The following TNRC6B variants were observed in gnomAD, a reference collection of about 807,000 sequenced individuals.
TNRC6B encodes trinucleotide repeat containing adaptor 6B.
Under a neutral mutation model 203.6 loss-of-function variants are expected in TNRC6B, and 52 were observed. That is an observed-to-expected ratio of 0.26 (90% CI 0.20 to 0.32). The LOEUF (loss-of-function observed/expected upper bound fraction) is 0.32. Among genes scored for constraint, TNRC6B ranks in the 10% least tolerant of loss-of-function variants. The pLI is 1.00. For synonymous variants in TNRC6B, 838 were observed against 845.7 expected (o/e 0.99, Z 0.16); for missense variants, 1,923 against 2,286.2 (o/e 0.84, Z 3.24).
intron 1 of TNRC6B, among the ~76,000 whole-genome samples, chr22:40,217,306 G>A (rs2069648230): frequency 1.3e-5 from 2 of 152,136 alleles, no homozygotes; most frequent in Admixed American, 6.5e-5. Context: ...TTCTCTAAAA[G>A]CACCATAAAA....
chr22:40,305,137 A>G (rs912654638), intron 15 of TNRC6B, among the ~76,000 whole-genome samples: 1 of 152,266 alleles, frequency 6.6e-6, no homozygotes, highest in South Asian at 2.1e-4. Context: ...GTGTGTGGAG[A>G]ATGAGAGAGA....
At chr22:40,233,020 C>T (rs1287266117) in intron 1 of TNRC6B, among the ~76,000 whole-genome samples, 1 of 151,902 alleles carries the variant, frequency 6.6e-6, no homozygotes, top group African/African-American at 2.4e-5. Context: ...TAGTGGTGCG[C>T]GCCTATAGTC....
chr22:40,260,884 G>A (rs739181), intron 3 of TNRC6B, among the ~76,000 whole-genome samples: 139,713 of 152,198 alleles, frequency 0.92, 64,334 homozygotes, highest in East Asian at 0.99. Context: ...CAGCAAACTG[G>A]AGAGATTGTG....
chr22:40,128,586 AGCTCACAGCTCACT>A (rs2068515229), intron 3 of TNRC6B, among the ~76,000 whole-genome samples: 1 of 149,766 alleles, frequency 6.7e-6, no homozygotes, highest in African/African-American at 2.5e-5. Flanking sequence ...CACAGCTCAC[AGCTCACAGCTCACT>A]GCAGCCTCAA....
chr22:40,304,491 C>T (rs1396904828), intron 15 of TNRC6B, among the ~76,000 whole-genome samples: 1 of 152,108 alleles, frequency 6.6e-6, no homozygotes, highest in African/African-American at 2.4e-5. Context: ...ATCTGTGTTA[C>T]TGGGCTAGGG....
At chr22:40,096,071 T>C (rs1201179980) in intron 1 of TNRC6B, among the ~76,000 whole-genome samples, 2 of 152,146 alleles carry the variant, frequency 1.3e-5, no homozygotes, top group Non-Finnish European at 2.9e-5. Flanking sequence ...CATATAAACA[T>C]GACTATGAGA....
chr22:40,146,678 G>T (rs1275545964), intron 3 of TNRC6B, among the ~76,000 whole-genome samples: 1 of 149,312 alleles, frequency 6.7e-6, no homozygotes, highest in Admixed American at 6.9e-5. Flanking sequence ...TCCTACCTCA[G>T]CCTCCTGAAT....
chr22:40,079,052 C>T (rs886458588), intron 1 of TNRC6B, among the ~76,000 whole-genome samples: 3 of 150,800 alleles, frequency 2.0e-5, no homozygotes, highest in African/African-American at 4.9e-5. Context: ...CCAGCCTGGG[C>T]GACAAGCATG....
At chr22:40,206,010 G>A (rs547304028) in intron 1 of TNRC6B, among the ~76,000 whole-genome samples, 1 of 152,250 alleles carries the variant, frequency 6.6e-6, no homozygotes, top group East Asian at 1.9e-4. Context: ...CTGCCTCCTG[G>A]GCCTTTACCT....
chr22:40,292,938 C>T (rs2070888002), intron 12 of TNRC6B, among the ~76,000 whole-genome samples: 2 of 152,168 alleles, frequency 1.3e-5, no homozygotes, highest in Admixed American at 1.3e-4. Flanking sequence ...TTTAAACAAT[C>T]TGTTGTTTTC....
intron 15 of TNRC6B, among the ~76,000 whole-genome samples, chr22:40,303,866 A>T (rs754008585): frequency 6.6e-6 from 1 of 152,210 alleles, no homozygotes; most frequent in Non-Finnish European, 1.5e-5. Context: ...AGCTGAGATC[A>T]TGCCACTGCA....
At chr22:40,100,734 A>ACACCAAATCC (rs929153339) in intron 1 of TNRC6B, among the ~76,000 whole-genome samples, 3 of 152,178 alleles carry the variant, frequency 2.0e-5, no homozygotes, top group Non-Finnish European at 4.4e-5. Context: ...ATTTTGGTAT[A>ACACCAAATCC]CACCAAAGGT....
intron 1 of TNRC6B, among the ~76,000 whole-genome samples, chr22:40,232,499 A>G (rs535380802): frequency 6.6e-6 from 1 of 152,302 alleles, no homozygotes; most frequent in African/African-American, 2.4e-5. Flanking sequence ...TTCTCAAGGC[A>G]CTATGAAGAA....
intron 1 of TNRC6B, among the ~76,000 whole-genome samples, chr22:40,080,851 TC>T (rs1359622723): frequency 6.7e-6 from 1 of 149,692 alleles, no homozygotes; most frequent in African/African-American, 2.5e-5. Context: ...TTTTTTTTTT[TC>T]ATGTATAACT....
chr22:40,177,872 C>G, upstream of TNRC6B: 1 of 1,311,980 alleles, frequency 7.6e-7, no homozygotes, highest in Non-Finnish European at 9.7e-7. Flanking sequence ...ACAAACCTAC[C>G]CGAAGTCACA....
chr22:40,052,091 A>G (rs1399783998), intron 1 of TNRC6B, among the ~76,000 whole-genome samples: 1 of 152,158 alleles, frequency 6.6e-6, no homozygotes, highest in African/African-American at 2.4e-5. Context: ...TTTGGCTACT[A>G]TTCCCCTCAC....
intron 1 of TNRC6B, among the ~76,000 whole-genome samples, chr22:40,226,875 G>T (rs1322170255): frequency 6.6e-6 from 1 of 152,018 alleles, no homozygotes; most frequent in Non-Finnish European, 1.5e-5. Flanking sequence ...CACCTTCCTG[G>T]TGTTGAGAGG....
intron 4 of TNRC6B, among the ~76,000 whole-genome samples, chr22:40,164,220 A>AAAAAG (rs2068897155): frequency 1.3e-5 from 1 of 75,336 alleles, no homozygotes; most frequent in East Asian, 2.6e-4. Flanking sequence ...CATCTCTACT[A>AAAAAG]AAAAGAAAAA....
chr22:40,047,528 G>A (rs1402158146), intron 1 of TNRC6B, among the ~76,000 whole-genome samples: 1 of 152,036 alleles, frequency 6.6e-6, no homozygotes, highest in Non-Finnish European at 1.5e-5. Flanking sequence ...GCTTGAACCC[G>A]GGAGGCGGAG....
Sources: allele counts gnomAD v4.1 joint callset (sites outside exome capture counted in the v4.1 genomes callset), GRCh38; gene constraint gnomAD v4.1.1; transcripts MANE v1.5; gene names NCBI Gene and HGNC (gene_info 2026-07-23, HGNC 2026-07-21).